BRCC3: variants seen among roughly 807,000 people sequenced by gnomAD.
The protein encoded by BRCC3 is lys-63-specific deubiquitinase BRCC36.
Under a neutral mutation model 28.0 loss-of-function variants are expected in BRCC3, and 15 were observed. The ratio of observed to expected loss-of-function variants is 0.54; its 90% CI spans 0.36 to 0.82. The LOEUF (loss-of-function observed/expected upper bound fraction) is 0.82, where lower values mean the gene tolerates loss of function less well. Ranked by LOEUF, BRCC3 falls within the 40% of genes least tolerant of loss-of-function variation. BRCC3 has a pLI of 0.01. For synonymous variants in BRCC3, 66 were observed against 80.3 expected (o/e 0.82, Z 0.95); for missense variants, 109 against 225.9 (o/e 0.48, Z 3.32).
chrX:155,104,892 T>TC (rs2074268559), intron 7 of BRCC3, among the ~76,000 whole-genome samples: 1 of 112,992 alleles, frequency 8.9e-6, no homozygotes, highest in Admixed American at 9.3e-5. Flanking sequence ...AGTTTGGACA[T>TC]ATGCCTAAGA....
intron 5 of BRCC3, 123 bp from the exon 6 acceptor site, chrX:155,089,140 A>G (rs782516571): frequency 1.0e-5 from 5 of 486,790 alleles, no homozygotes; most frequent in South Asian, 1.0e-4. Flanking sequence ...TGCCTGTACA[A>G]TCTGAATCCT....
intron 7 of BRCC3, among the ~76,000 whole-genome samples, chrX:155,107,886 A>C (rs1557297689): frequency 9.0e-6 from 1 of 111,148 alleles, no homozygotes. Context: ...TCATAAACTT[A>C]GTTTGGTTGG....
intron 3 of BRCC3, among the ~76,000 whole-genome samples, chrX:155,074,778 A>G (rs1410375389): frequency 8.9e-6 from 1 of 112,221 alleles, no homozygotes. Flanking sequence ...AGTGTTGCAT[A>G]GTGTATTTTT....
chrX:155,120,224 C>T, intron 10 of BRCC3, 56 bp downstream of exon 10: 1 of 901,625 alleles, frequency 1.1e-6, no homozygotes, highest in Non-Finnish European at 1.6e-6. Context: ...ATGCACACAG[C>T]TCACATGCAG....
At chrX:155,089,164 G>C (rs2074156893) in intron 5 of BRCC3, 99 bp from the exon 6 acceptor site, 1 of 540,150 alleles carries the variant, frequency 1.9e-6, no homozygotes, top group African/African-American at 2.4e-5. Context: ...AAGATTATAT[G>C]TTGCTGTTAT....
rs2074395507 is a variant in BRCC3, at chrX:155,122,768, A to G, written c.*1564A>G. On this transcript the variant is annotated 3_prime_UTR_variant, in exon 11 of 11. Coordinates refer to ENST00000330045, the MANE Select transcript of BRCC3 (RefSeq NM_001018055.3). ...AAATGGTCACATACTGTATGATCGCATTTATATAACATTCTTGAGGTGACA... is the reference window on the plus strand; with the variant it reads ...AAATGGTCACATACTGTATGATCGCGTTTATATAACATTCTTGAGGTGACA... 1 of 111,635 alleles carries G rather than the reference A, an allele frequency of 9.0e-6. No individual in the cohort carries two copies. Among genetic ancestry groups the G allele is most frequent in the Non-Finnish European group, 1.9e-5 (1 of 53,118 alleles). The allele number at this position is 111,635 out of a possible 1,213,427, so 9.2% of individuals were successfully genotyped here.
intron 5 of BRCC3, among the ~76,000 whole-genome samples, chrX:155,088,248 T>C (rs1164266384): frequency 1.8e-5 from 2 of 112,332 alleles, no homozygotes; most frequent in Non-Finnish European, 3.8e-5. Context: ...TGTAAGCCAT[T>C]GGGCAAAACT....
chrX:155,121,578 C>T lies in BRCC3; in HGVS notation c.*374C>T, dbSNP rs2074388547. The T allele has an allele frequency of 2.7e-5, 3 of 112,009 alleles. No individual in the cohort carries two copies. The highest frequency in any genetic ancestry group is 3.8e-5 in the Non-Finnish European group (2 of 53,181). The allele number at this position is 112,009 out of a possible 1,213,427, so 9.2% of individuals were successfully genotyped here. A position where few individuals can be genotyped will look rare whatever the true frequency, so the allele number is the denominator to read the frequency against. On this transcript the variant is annotated 3_prime_UTR_variant, in exon 11 of 11. Transcript: ENST00000330045. ...ATAAAATTTAACTCAAAATGTATAACGGACTTAAATGTGATACATAAAACT... is the reference window on the plus strand; with the variant it reads ...ATAAAATTTAACTCAAAATGTATAATGGACTTAAATGTGATACATAAAACT...
At chrX:155,113,859 A>G (rs1401037709) in intron 7 of BRCC3, among the ~76,000 whole-genome samples, 1 of 112,226 alleles carries the variant, frequency 8.9e-6, no homozygotes, top group Non-Finnish European at 1.9e-5. Flanking sequence ...CAACAAGCAT[A>G]TGAAAGAGTG....
chrX:155,114,900 A>G (rs782131756), intron 7 of BRCC3, among the ~76,000 whole-genome samples: 1 of 112,087 alleles, frequency 8.9e-6, no homozygotes, highest in Non-Finnish European at 1.9e-5. Flanking sequence ...CCATAGATGC[A>G]TGAATCTCAG....
chrX:155,102,950 C>T (rs905053048), intron 7 of BRCC3, among the ~76,000 whole-genome samples: 19 of 109,854 alleles, frequency 1.7e-4, no homozygotes, highest in Non-Finnish European at 3.2e-4. Flanking sequence ...TGTGTGTGTG[C>T]GTGTGTGTGT....
At chrX:155,079,552 T>G (rs5986904) in intron 5 of BRCC3, among the ~76,000 whole-genome samples, 6,343 of 111,050 alleles carry the variant, frequency 0.057, 467 homozygotes, top group African/African-American at 0.2. Flanking sequence ...CTTGGGTGGG[T>G]GAGGATGTTT....
At chrX:155,091,020 C>G (rs2074171072) in intron 7 of BRCC3, among the ~76,000 whole-genome samples, 181 bp downstream of exon 7, 1 of 111,816 alleles carries the variant, frequency 8.9e-6, no homozygotes, top group Non-Finnish European at 1.9e-5. Flanking sequence ...TACTGGGGAC[C>G]TAGGAAGCTA....
At chrX:155,109,864 G>A (rs1302748344) in intron 7 of BRCC3, among the ~76,000 whole-genome samples, 2 of 111,339 alleles carry the variant, frequency 1.8e-5, no homozygotes, top group African/African-American at 6.5e-5. Context: ...ATTATCTCTG[G>A]TGTTTAATTT....
intron 7 of BRCC3, among the ~76,000 whole-genome samples, chrX:155,109,537 T>G (rs1046615982): frequency 8.9e-5 from 10 of 112,277 alleles, no homozygotes; most frequent in Non-Finnish European, 3.8e-5. Flanking sequence ...TTTATGTTAT[T>G]GTAATTGGTA....
At chrX:155,098,711 A>C (rs1461964210) in intron 7 of BRCC3, among the ~76,000 whole-genome samples, 1 of 112,699 alleles carries the variant, frequency 8.9e-6, no homozygotes, top group East Asian at 2.8e-4. Context: ...TCCCTGACTT[A>C]AAACATAGTC....
chrX:155,098,654 G>A (rs2074226575), intron 7 of BRCC3, among the ~76,000 whole-genome samples: 1 of 112,402 alleles, frequency 8.9e-6, no homozygotes, highest in South Asian at 3.6e-4. Context: ...TAGAGACCCT[G>A]TGGCCCACAC....
chrX:155,087,278 G>C (rs782756296), intron 5 of BRCC3, among the ~76,000 whole-genome samples: 3 of 111,980 alleles, frequency 2.7e-5, no homozygotes, highest in Admixed American at 9.4e-5. Context: ...CCTTCCCACA[G>C]GGGAAGATGG....
chrX:155,075,281 C>CTCTTGTA (rs1569560410), intron 3 of BRCC3, among the ~76,000 whole-genome samples: 1 of 50,022 alleles, frequency 2.0e-5, no homozygotes, highest in Non-Finnish European at 3.0e-5. Context: ...TAATGCTAAG[C>CTCTTGTA]CCACTCTTTC....
Sources: allele counts gnomAD v4.1 joint callset (sites outside exome capture counted in the v4.1 genomes callset), GRCh38; gene constraint gnomAD v4.1.1; transcripts MANE v1.5; gene names NCBI Gene and HGNC (gene_info 2026-07-23, HGNC 2026-07-21).